The following COG5 variants were observed in gnomAD, a reference collection of about 807,000 sequenced individuals.
COG5 encodes the protein component of oligomeric golgi complex 5, also known as conserved oligomeric Golgi complex subunit 5.
In COG5, 86 loss-of-function variants were observed where a neutral mutation model predicts 110.4. That is an observed-to-expected ratio of 0.78 (90% CI 0.65 to 0.93). COG5 has a LOEUF of 0.93. Ranked by LOEUF, COG5 falls within the 40% of genes least tolerant of loss-of-function variation. COG5 has a pLI of 0.00. For synonymous variants in COG5, 360 were observed against 334.6 expected, an observed-to-expected ratio of 1.08 and a Z score of -0.83; for missense variants, 1,077 against 987.0, an observed-to-expected ratio of 1.09 and a Z score of -1.22.
Position 107,445,840 on chromosome 7 carries a change from T to G in COG5, c.539-33208A>C, listed in dbSNP as rs566630919. Among the ~76,000 whole-genome samples, 80 of 152,320 alleles carry G rather than the reference T, an allele frequency of 5.3e-4. No individual in the cohort carries two copies. The Middle Eastern group carries it at 0.014, about 26-fold the overall frequency. On this transcript the variant is annotated intron_variant, in intron 6 of 21. Transcript: ENST00000297135. ...AGTAATCATGCGCTAGGCACTATGC[T>G]ACAAGACACACCAACAAACAAAAGA...
At chr7:107,280,842 C>G (rs1562948532) in intron 14 of COG5, among the ~76,000 whole-genome samples, 1 of 151,844 alleles carries the variant, frequency 6.6e-6, no homozygotes, top group Non-Finnish European at 1.5e-5. Flanking sequence ...AAACATTTTT[C>G]TACTAAAATT....
intron 14 of COG5, among the ~76,000 whole-genome samples, chr7:107,265,111 T>C (rs529910567): frequency 1.3e-5 from 2 of 152,276 alleles, no homozygotes; most frequent in Non-Finnish European, 2.9e-5. Context: ...ATTTCATAAA[T>C]TATAAACATT....
intron 6 of COG5, among the ~76,000 whole-genome samples, chr7:107,504,628 G>A (rs1447316093): frequency 1.3e-5 from 2 of 152,002 alleles, no homozygotes; most frequent in African/African-American, 2.4e-5. Flanking sequence ...ATCTAGCCCT[G>A]GGCTTTTTCT....
chr7:107,242,732 A>C (rs1326475285), intron 17 of COG5, among the ~76,000 whole-genome samples: 1 of 152,196 alleles, frequency 6.6e-6, no homozygotes, highest in Non-Finnish European at 1.5e-5. Context: ...GCTTGTCACC[A>C]GGAGAACCCC....
At chr7:107,453,756 T>C (rs1251477595) in intron 6 of COG5, among the ~76,000 whole-genome samples, 4 of 152,296 alleles carry the variant, frequency 2.6e-5, no homozygotes, top group Admixed American at 2.6e-4. Flanking sequence ...TCATTTGTGA[T>C]TCAAAAGATT....
At chr7:107,540,154 G>C (rs142638607) in intron 5 of COG5, among the ~76,000 whole-genome samples, 20 of 152,340 alleles carry the variant, frequency 1.3e-4, no homozygotes, top group African/African-American at 4.6e-4. Flanking sequence ...ACCAATCTGT[G>C]CATGTGTGAG....
intron 13 of COG5, 126 bp from the exon 14 acceptor site, chr7:107,281,525 A>C (rs1805165079): frequency 2.7e-6 from 2 of 743,178 alleles, no homozygotes; most frequent in Non-Finnish European, 4.7e-6. Flanking sequence ...ACTGCTTCCA[A>C]GAACTGGTTG....
At chr7:107,470,617 T>C (rs1365647614) in intron 6 of COG5, among the ~76,000 whole-genome samples, 1 of 152,126 alleles carries the variant, frequency 6.6e-6, no homozygotes, top group Non-Finnish European at 1.5e-5. Flanking sequence ...TTAAATGTAA[T>C]TTTTTAGGAT....
chr7:107,315,477 A>G (rs1382475335), intron 11 of COG5, among the ~76,000 whole-genome samples: 1 of 152,152 alleles, frequency 6.6e-6, no homozygotes, highest in Non-Finnish European at 1.5e-5. Context: ...TAGACATGTA[A>G]AAAGAGATGT....
At position 107,245,863 on chromosome 7, in the gene COG5, A is replaced by C. The variant is rs117096385; in HGVS notation, c.1853+2533T>G. Reference sequence around the variant, plus strand: ...TTCTTCACAGAACGAAAAACAAACTATTTTAAAATTCAGATGGGACCAAAA... The same window carrying C: ...TTCTTCACAGAACGAAAAACAAACTCTTTTAAAATTCAGATGGGACCAAAA... On this transcript the variant is annotated intron_variant, in intron 17 of 21. Coordinates refer to ENST00000297135, the MANE Select transcript of COG5 (RefSeq NM_006348.5). Among the ~76,000 whole-genome samples, 721 of 152,310 alleles carry C rather than the reference A, an allele frequency of 4.7e-3. 7 individuals carry two copies. Among genetic ancestry groups the C allele is most frequent in the Non-Finnish European group, 7.1e-3 (484 of 68,018 alleles).
chr7:107,307,047 C>T (rs1191988101), intron 11 of COG5, among the ~76,000 whole-genome samples: 2 of 152,130 alleles, frequency 1.3e-5, no homozygotes, highest in Admixed American at 1.3e-4. Context: ...AAACAAGATG[C>T]CAACACACTC....
intron 11 of COG5, among the ~76,000 whole-genome samples, chr7:107,316,523 A>C (rs1035678279): frequency 2.0e-5 from 3 of 152,080 alleles, no homozygotes; most frequent in Non-Finnish European, 2.9e-5. Flanking sequence ...GGTTAAGAAA[A>C]GAAAAGCAGG....
At chr7:107,524,048 T>C (rs1800547605) in intron 6 of COG5, among the ~76,000 whole-genome samples, 1 of 152,192 alleles carries the variant, frequency 6.6e-6, no homozygotes, top group Non-Finnish European at 1.5e-5. Context: ...TCCATCAGCA[T>C]GTAAATGGAT....
intron 7 of COG5, among the ~76,000 whole-genome samples, chr7:107,383,874 C>G (rs1331285475): frequency 6.6e-6 from 1 of 152,154 alleles, no homozygotes; most frequent in East Asian, 1.9e-4. Flanking sequence ...TCAGATGCAT[C>G]CTCCAAACTG....
intron 11 of COG5, among the ~76,000 whole-genome samples, chr7:107,319,097 ATTT>A (rs35993880): frequency 2.1e-5 from 3 of 141,686 alleles, no homozygotes; most frequent in Non-Finnish European, 4.6e-5. Flanking sequence ...TAGTTCACTG[ATTT>A]TTTTTTTTTT....
At chr7:107,444,682 CAT>C (rs1203852731) in intron 6 of COG5, among the ~76,000 whole-genome samples, 1 of 152,126 alleles carries the variant, frequency 6.6e-6, no homozygotes, top group African/African-American at 2.4e-5. Flanking sequence ...AATACTATAT[CAT>C]AAACTCTAAA....
rs73415437 is a variant in COG5, at chr7:107,266,624, C to A, written c.1576-8241G>T. ...TTGTAAACTTTCTTGTTTAATAACT[C>A]GTAGGAATACGAGTTATTCCTAGGG... On this transcript the variant is annotated intron_variant, in intron 14 of 21. Transcript: ENST00000297135. Among the ~76,000 whole-genome samples, 841 of 152,134 alleles carry A rather than the reference C, an allele frequency of 5.5e-3. 9 individuals carry two copies. The highest frequency in any genetic ancestry group is 0.019 in the African/African-American group (807 of 41,502).
Position 107,283,633 on chromosome 7 carries a change from G to A in COG5, c.1413C>T (p.Pro471=). Residue 471 remains proline (P), a synonymous_variant, in exon 13 of 22, where the codon CCC becomes CCT. Transcript: ENST00000297135. ...RLFDPINLVF[P]PGGRNPPSSD... ...AGGAAGGAGGATTACGACCACCCGG[G>A]GGAAAAACCAAGTTGATAGGATCGA... is the stretch of plus-strand genomic sequence containing the variant. 6.2e-7 allele frequency: 1 copy of A among 1,613,876 alleles called. No homozygotes were observed. The highest frequency in any genetic ancestry group is 8.5e-7 in the Non-Finnish European group (1 of 1,179,860).
At chr7:107,436,298 T>C (rs1425781273) in intron 6 of COG5, among the ~76,000 whole-genome samples, 1 of 152,238 alleles carries the variant, frequency 6.6e-6, no homozygotes, top group African/African-American at 2.4e-5. Context: ...TGACGCATGC[T>C]ATACAACATA....
Sources: gnomAD v4.1 joint callset for allele counts (sites outside exome capture counted in the v4.1 genomes callset) on GRCh38, gnomAD v4.1.1 for gene constraint, MANE v1.5 for transcripts, NCBI Gene and HGNC (gene_info 2026-07-23, HGNC 2026-07-21) for gene names.